SARM1: variants seen among roughly 807,000 people sequenced by gnomAD.
The protein encoded by SARM1 is sterile alpha and TIR motif containing 1.
Under a neutral mutation model 65.1 loss-of-function variants are expected in SARM1, and 60 were observed. The observed-to-expected ratio is 0.92, with a 90% CI of 0.75 to 1.14. SARM1 has a LOEUF of 1.14. SARM1 is among the 50% of genes most tolerant of loss of function. The probability of loss-of-function intolerance (pLI) is 0.00; values close to 1 mark genes in which losing one functional copy is unlikely to be tolerated. For synonymous variants in SARM1, 417 were observed against 465.4 expected (o/e 0.90, Z 1.34); for missense variants, 913 against 1,015.7 (o/e 0.90, Z 1.37).
intron 2 of SARM1, 80 bp downstream of exon 2, chr17:28,381,901 C>T (rs1381612569): frequency 1.5e-5 from 20 of 1,364,654 alleles, no homozygotes; most frequent in Non-Finnish European, 1.7e-5. Context: ...CACATTCAAC[C>T]GGGTCTTGAA....
chr17:28,400,728 C>G lies in SARM1; in HGVS notation c.*4442C>G. Reference sequence around the variant, plus strand: ...AAGATGCCGGAGGCCGTCAGCATGGCCAGGCTATTCACACAGGCCACAGCA... The same window carrying G: ...AAGATGCCGGAGGCCGTCAGCATGGGCAGGCTATTCACACAGGCCACAGCA... On this transcript the variant is annotated 3_prime_UTR_variant, in exon 9 of 9. Coordinates refer to ENST00000585482, the MANE Select transcript of SARM1 (RefSeq NM_015077.4). The G allele has an allele frequency of 6.3e-7, 1 of 1,597,950 alleles. No individual in the cohort carries two copies. Among genetic ancestry groups the G allele is most frequent in the East Asian group, 2.3e-5 (1 of 44,302 alleles).
rs1555587908 is a variant in SARM1 at position 28,396,194 on chromosome 17, A to G, written c.2083A>G (p.Ile695Val). 4.3e-6 allele frequency: 7 copies of G among 1,613,778 alleles called. No individual in the cohort carries two copies. The highest frequency in any genetic ancestry group is 5.9e-6 in the Non-Finnish European group (7 of 1,179,846). ...ATACCAGGAGGCCACCATTGAGAAGATCATCCGCTTCCTGCAGGGCCGCTC... is the reference window on the plus strand; with the variant it reads ...ATACCAGGAGGCCACCATTGAGAAGGTCATCCGCTTCCTGCAGGGCCGCTC... ...HEYQEATIEK[I>V]IRFLQGRSSR... Residue 695 changes from isoleucine (I) to valine (V), a missense_variant, in exon 9 of 9, where the codon ATC becomes GTC. Ile to Val is a conservative substitution (Grantham distance 29). Around this residue, in one of 3 missense-constraint regions of SARM1, gnomAD observed 862 missense variants for 952.1 expected, o/e 0.91. Transcript: ENST00000585482.
At position 28,385,357 on chromosome 17, in the gene SARM1, G is replaced by C; in HGVS notation, c.1630+82G>C. 1 of 1,059,856 alleles carries C rather than the reference G, an allele frequency of 9.4e-7. No homozygotes were observed. Among genetic ancestry groups the C allele is most frequent in the Non-Finnish European group, 1.3e-6 (1 of 753,014 alleles). The allele number at this position is 1,059,856 out of a possible 1,614,324, so 65.7% of individuals were successfully genotyped here. A position where few individuals can be genotyped will look rare whatever the true frequency, so the allele number is the denominator to read the frequency against. The stretch of plus-strand genomic sequence containing the variant: ...ATGGTGAGGGGAGACACGGGGTGGA[G>C]CCTTCCAGCCTCGCCGTGGATTGAT... On this transcript the variant is annotated intron_variant, in intron 5 of 8. Coordinates refer to ENST00000585482, the MANE Select transcript of SARM1 (RefSeq NM_015077.4). The surrounding 1 kb of genome is among the most constrained non-coding windows in gnomAD (Gnocchi z 4.5).
chr17:28,383,088 T>G (rs1447031070), intron 2 of SARM1, among the ~76,000 whole-genome samples: 2 of 152,206 alleles, frequency 1.3e-5, no homozygotes, highest in Non-Finnish European at 2.9e-5. Context: ...AAAAAGAGAC[T>G]GCTGGCTGGG....
intron 2 of SARM1, among the ~76,000 whole-genome samples, chr17:28,382,390 C>A (rs2068029234): frequency 6.6e-6 from 1 of 152,062 alleles, no homozygotes; most frequent in African/African-American, 2.4e-5. Flanking sequence ...TGAGAGATGC[C>A]CAGCTGGGGA....
At position 28,381,392 on chromosome 17, in the gene SARM1, CGCGCTGCT is replaced by C. The variant is rs1444097634; in HGVS notation, c.665_672del (p.Leu222ProfsTer56). On this transcript the variant is annotated frameshift_variant, in exon 2 of 9. Transcript: ENST00000585482. LOFTEE classifies it high-confidence loss of function. Reference sequence around the variant, plus strand: ...TGTATTGGTGCCGCCGCACGGACCCCGCGCTGCTGCGCCACTGCGCGCTGGCGCTGGGC... The same window carrying C: ...TGTATTGGTGCCGCCGCACGGACCCCGCGCCACTGCGCGCTGGCGCTGGGC... 1 of 1,554,372 alleles carries C rather than the reference CGCGCTGCT, an allele frequency of 6.4e-7. No individual in the cohort carries two copies. Among genetic ancestry groups the C allele is most frequent in the Non-Finnish European group, 8.7e-7 (1 of 1,149,916 alleles).
Position 28,385,070 on chromosome 17 carries a change from C to T in SARM1, c.1425C>T (p.Thr475=). The T allele has an allele frequency of 6.2e-7, 1 of 1,613,910 alleles. No individual in the cohort carries two copies. Among genetic ancestry groups the T allele is most frequent in the African/African-American group, 1.3e-5 (1 of 75,074 alleles). The change falls in exon 5 of 9, where the codon ACC becomes ACT. Residue 475 remains threonine (T), a synonymous_variant. Transcript: ENST00000585482. This position sits in a 1 kb window ranked among gnomAD's most constrained non-coding sequence, Gnocchi z 4.5. ...TTAGGGAGCTCACGGAGCTCAAGACCTTCGCCAACTATTCTACGTGCGACC... is the reference window on the plus strand; with the variant it reads ...TTAGGGAGCTCACGGAGCTCAAGACTTTCGCCAACTATTCTACGTGCGACC... The part of the protein sequence containing the change: ...RFFRELTELK[T]FANYSTCDRS...
chr17:28,374,709 G>C (rs1181556346), intron 1 of SARM1, among the ~76,000 whole-genome samples: 3 of 152,148 alleles, frequency 2.0e-5, no homozygotes, highest in African/African-American at 7.2e-5. Flanking sequence ...AAGCATGGTG[G>C]TTCATGCCTG....
Position 28,402,512 on chromosome 17 carries a change from C to T in SARM1, c.*6226C>T. 1.9e-6 allele frequency: 1 copy of T among 524,712 alleles called. No individual in the cohort carries two copies. The highest frequency in any genetic ancestry group is 3.1e-5 in the East Asian group (1 of 32,500). 32.5% of individuals were successfully genotyped at this position (524,712 alleles called of 1,614,324 possible). A position where few individuals can be genotyped will look rare whatever the true frequency, so the allele number is the denominator to read the frequency against. On this transcript the variant is annotated 3_prime_UTR_variant, in exon 9 of 9. Coordinates refer to ENST00000585482, the MANE Select transcript of SARM1 (RefSeq NM_015077.4). ...ACTGCCCTTGTCTGGGCTTGGCCAC[C>T]TGCTAGCTCTCATGAATGAATGCTA...
In SARM1 at chr17:28,402,015, C is replaced by T. The variant is rs568661704; in HGVS notation, c.*5729C>T. 45 of 489,826 alleles carry T rather than the reference C, an allele frequency of 9.2e-5. No homozygotes were observed. The highest frequency in any genetic ancestry group is 1.6e-4 in the Non-Finnish European group (43 of 271,146). The allele number at this position is 489,826 out of a possible 1,614,324, so 30.3% of individuals were successfully genotyped here. A position where few individuals can be genotyped will look rare whatever the true frequency, so the allele number is the denominator to read the frequency against. ...GTTATCTAGAAAGAACATAATTGTG[C>T]TCTGCTGACTGCAAATCCCAACTCT... On this transcript the variant is annotated 3_prime_UTR_variant, in exon 9 of 9. Transcript: ENST00000585482.
At chr17:28,395,489 G>A (rs1491002288) in intron 7 of SARM1, 1 of 175,446 alleles carries the variant, frequency 5.7e-6, no homozygotes, top group East Asian at 1.4e-4. Context: ...GGCCATTGGT[G>A]ATTGAACTCA....
chr17:28,391,901 G>A (rs1250888432), intron 7 of SARM1, among the ~76,000 whole-genome samples: 1 of 129,400 alleles, frequency 7.7e-6, no homozygotes, highest in Non-Finnish European at 1.6e-5. Context: ...TTTTTTTCCA[G>A]TAGAGATAGG....
In SARM1 at chr17:28,388,402, G is replaced by C. The variant is rs1555586409; in HGVS notation, c.1786G>C (p.Glu596Gln). The change falls in exon 7 of 9, where the codon GAG becomes CAG. Residue 596 changes from glutamate (E) to glutamine (Q), a missense_variant. Physicochemically the swap from Glu to Gln is conservative, Grantham distance 29 (BLOSUM62 2). This residue lies in a region of SARM1 where 862 missense variants were observed against 952.1 expected (regional missense o/e 0.91). Coordinates refer to ENST00000585482, the MANE Select transcript of SARM1 (RefSeq NM_015077.4). ...TGGCTTCAGTGTCTTCATTGATGTG[G>C]AGAAGCTGGAAGCAGGCAAGTTCGA... is the stretch of plus-strand genomic sequence containing the variant. ...LHGFSVFIDV[E>Q]KLEAGKFEDK... The C allele has an allele frequency of 3.1e-6, 5 of 1,614,008 alleles. No individual in the cohort carries two copies. Among genetic ancestry groups the C allele is most frequent in the Non-Finnish European group, 4.2e-6 (5 of 1,179,898 alleles).
chr17:28,384,348 C>A lies in SARM1; in HGVS notation c.1090-9C>A, dbSNP rs565633366. 2.0e-5 allele frequency: 32 copies of A among 1,562,618 alleles called. No individual in the cohort carries two copies. The South Asian group carries it at 3.6e-4, about 18-fold the overall frequency. On this transcript the variant is annotated splice_polypyrimidine_tract_variant and intron_variant, in intron 2 of 8. Transcript: ENST00000585482. This position sits in a 1 kb window ranked among gnomAD's most constrained non-coding sequence, Gnocchi z 4.4. ...GGGACCTACAGCCCTCTCCCCACTC[C>A]CTCCCTAGGTGTTCAGCGACATCGG...
Position 28,372,187 on chromosome 17 carries a change from A to C in SARM1, c.155A>C (p.Glu52Ala). ...GCTGCGGGTGGCCGCGGGCCCCGCG[A>C]AGTGTCGCCGGGGGCAGGCACCGAG... ...WWAAGGRGPR[E>A]VSPGAGTEVQ... The change falls in exon 1 of 9, where the codon GAA becomes GCA. Residue 52 changes from glutamate to alanine, a missense_variant. By Grantham distance (107) the Glu-to-Ala change is moderately radical (BLOSUM62 -1). Transcript: ENST00000585482. This position sits in a 1 kb window ranked among gnomAD's most constrained non-coding sequence, Gnocchi z 5.2. 7.3e-7 allele frequency: 1 copy of C among 1,363,950 alleles called. No homozygotes were observed. The highest frequency in any genetic ancestry group is 1.8e-5 in the South Asian group (1 of 55,782). The allele number at this position is 1,363,950 out of a possible 1,614,324, so 84.5% of individuals were successfully genotyped here. A position where few individuals can be genotyped will look rare whatever the true frequency, so the allele number is the denominator to read the frequency against.
rs2067966647 is a variant in SARM1 at position 28,372,863 on chromosome 17, G to C, written c.470+361G>C. 1 of 228,694 alleles carries C rather than the reference G, an allele frequency of 4.4e-6. No homozygotes were observed. Among genetic ancestry groups the C allele is most frequent in the South Asian group, 9.1e-5 (1 of 11,006 alleles). The allele number at this position is 228,694 out of a possible 1,614,324, so 14.2% of individuals were successfully genotyped here. A position where few individuals can be genotyped will look rare whatever the true frequency, so the allele number is the denominator to read the frequency against. On this transcript the variant is annotated intron_variant, in intron 1 of 8. Coordinates refer to ENST00000585482, the MANE Select transcript of SARM1 (RefSeq NM_015077.4). This position sits in a 1 kb window ranked among gnomAD's most constrained non-coding sequence, Gnocchi z 5.2. ...ACAGCTCTCCTTCCCACCGGCTTGG[G>C]TTCCCGTCTATGACACCTTCTCTCG...
At position 28,400,606 on chromosome 17, in the gene SARM1, T is replaced by G; in HGVS notation, c.*4320T>G. The G allele has an allele frequency of 6.2e-7, 1 of 1,613,580 alleles. No individual in the cohort carries two copies. Among genetic ancestry groups the G allele is most frequent in the Non-Finnish European group, 8.5e-7 (1 of 1,179,718 alleles). ...ATGAGCATGGGTTCAGGGCCCTGCA[T>G]TACCCAATCAGAACAGCCGGGATGA... On this transcript the variant is annotated 3_prime_UTR_variant, in exon 9 of 9. Coordinates refer to ENST00000585482, the MANE Select transcript of SARM1 (RefSeq NM_015077.4).
chr17:28,397,783 C>G lies in SARM1; in HGVS notation c.*1497C>G, dbSNP rs1555588487. 6.6e-6 allele frequency: 1 copy of G among 152,440 alleles called. No homozygotes were observed. Among genetic ancestry groups the G allele is most frequent in the African/African-American group, 2.4e-5 (1 of 41,464 alleles). 9.4% of individuals were successfully genotyped at this position (152,440 alleles called of 1,614,324 possible). On this transcript the variant is annotated 3_prime_UTR_variant, in exon 9 of 9. Coordinates refer to ENST00000585482, the MANE Select transcript of SARM1 (RefSeq NM_015077.4). ...GGGTAAGAAAGCACCCTCCAATAAA[C>G]CCAGGCTCCAGGCCGTGGGGGCTGC...
rs770950918 is a variant in SARM1 at position 28,400,046 on chromosome 17, A to G, written c.*3760A>G. 1.2e-4 allele frequency: 39 copies of G among 316,368 alleles called. No individual in the cohort carries two copies. Among genetic ancestry groups the G allele is most frequent in the Non-Finnish European group, 2.1e-4 (35 of 167,272 alleles). 19.6% of individuals were successfully genotyped at this position (316,368 alleles called of 1,614,324 possible). A position where few individuals can be genotyped will look rare whatever the true frequency, so the allele number is the denominator to read the frequency against. On this transcript the variant is annotated 3_prime_UTR_variant, in exon 9 of 9. Coordinates refer to ENST00000585482, the MANE Select transcript of SARM1 (RefSeq NM_015077.4). ...GTAGCTGGGACTACCAGTGCATACC[A>G]CCATGCCTGGGTGATTTTTTAAATT...
Sources: gnomAD v4.1 joint callset for allele counts (sites outside exome capture counted in the v4.1 genomes callset) on GRCh38, gnomAD v4.1.1 for gene constraint, gnomAD v4.1.1 regional missense constraint, Gnocchi (gnomAD v3.1) non-coding constraint, MANE v1.5 for transcripts, NCBI Gene and HGNC (gene_info 2026-07-23, HGNC 2026-07-21) for gene names.